ESYT1: variants seen among roughly 807,000 people sequenced by gnomAD.
ESYT1 encodes the protein extended synaptotagmin 1, also known as extended synaptotagmin-1.
Under a neutral mutation model 154.2 loss-of-function variants are expected in ESYT1, and 116 were observed. That is an observed-to-expected ratio of 0.75 (90% CI 0.65 to 0.88). The LOEUF (loss-of-function observed/expected upper bound fraction) is 0.88. Ranked by LOEUF, ESYT1 falls within the 40% of genes least tolerant of loss-of-function variation. The pLI, the probability that ESYT1 is intolerant of heterozygous loss-of-function variation, is 0.00. For synonymous variants in ESYT1, 500 were observed against 539.9 expected (o/e 0.93, Z 1.02); for missense variants, 1,264 against 1,379.3 (o/e 0.92, Z 1.32).
Position 56,143,946 on chromosome 12 carries a change from T to C in ESYT1, c.*84T>C. 4.4e-6 allele frequency: 7 copies of C among 1,607,556 alleles called. No homozygotes were observed. The South Asian group carries it at 5.5e-5, about 13-fold the overall frequency. The stretch of plus-strand genomic sequence containing the variant: ...CGCCTCAATGTGATGAGCCTAAAGC[T>C]AGGGTCCAAGGGCAGAGCCTGTGCC... On this transcript the variant is annotated 3_prime_UTR_variant, in exon 31 of 31. Transcript: ENST00000394048.
rs776875375 is a variant in ESYT1 at position 56,133,772 on chromosome 12, C to T, written c.1381-9C>T. Reference sequence around the variant, plus strand: ...GGACCAAGATCTGACTACTACCACCCCTCCCCAGGTTCTACAGTGGAATTG... The same window carrying T: ...GGACCAAGATCTGACTACTACCACCTCTCCCCAGGTTCTACAGTGGAATTG... On this transcript the variant is annotated splice_polypyrimidine_tract_variant and intron_variant, in intron 12 of 30. Transcript: ENST00000394048. 14 of 1,613,678 alleles carry T rather than the reference C, an allele frequency of 8.7e-6. No homozygotes were observed. Among genetic ancestry groups the T allele is most frequent in the Middle Eastern group, 1.6e-4 (1 of 6,084 alleles).
chr12:56,139,777 G>A (rs189485218), intron 24 of ESYT1, among the ~76,000 whole-genome samples: 26 of 151,536 alleles, frequency 1.7e-4, no homozygotes, highest in African/African-American at 5.8e-4. Context: ...TAGTAGAGAC[G>A]GGGTTTTGCC....
rs1486498993 is a variant in ESYT1, at chr12:56,128,519, C to T, written c.200C>T (p.Pro67Leu). Residue 67 changes from proline (P) to leucine (L), a missense_variant, in exon 1 of 31, where the codon CCT becomes CTT. Transcript: ENST00000394048. ...SFGRRLLVLI[P>L]VYLAGAVGLS... ...GGGAGGCGGTTGCTGGTGCTGATAC[C>T]TGTGTATTTGGCCGGGGCAGTGGGA... is the stretch of plus-strand genomic sequence containing the variant. 1 of 1,612,650 alleles carries T rather than the reference C, an allele frequency of 6.2e-7. No individual in the cohort carries two copies. The highest frequency in any genetic ancestry group is 1.7e-5 in the Admixed American group (1 of 59,742).
chr12:56,128,807 TG>T, intron 1 of ESYT1, 98 bp downstream of exon 1: 1 of 1,457,602 alleles, frequency 6.9e-7, no homozygotes, highest in Non-Finnish European at 9.4e-7. Flanking sequence ...CTCCCTGCCT[TG>T]GGACAGTGGG....
At chr12:56,137,429 C>A in intron 17 of ESYT1, 56 bp downstream of exon 17, 1 of 1,611,610 alleles carries the variant, frequency 6.2e-7, no homozygotes, top group Non-Finnish European at 8.5e-7. Context: ...GTATGCAAAG[C>A]CTGTTTCAGG....
rs1486060888 is a variant in ESYT1 at position 56,132,770 on chromosome 12, A to G, written c.1213A>G (p.Lys405Glu). The G allele has an allele frequency of 9.3e-6, 15 of 1,614,054 alleles. No homozygotes were observed. The highest frequency in any genetic ancestry group is 1.3e-5 in the Non-Finnish European group (15 of 1,180,040). ...GQEIEVEVFD[K>E]DPDKDDFLGR... ...GGAGATTGAAGTGGAGGTGTTCGAC[A>G]AGGATCCAGATAAAGATGACTTTCT... The change falls in exon 10 of 31, where the codon AAG becomes GAG. Residue 405 changes from lysine to glutamate, a missense_variant. Physicochemically the swap from Lys to Glu is moderately conservative, Grantham distance 56. Transcript: ENST00000394048.
At position 56,144,515 on chromosome 12, in the gene ESYT1, T is replaced by G. The variant is rs1455488392; in HGVS notation, c.*653T>G. 1.0e-6 allele frequency: 1 copy of G among 985,718 alleles called. No homozygotes were observed. Among genetic ancestry groups the G allele is most frequent in the Non-Finnish European group, 1.2e-6 (1 of 830,256 alleles). The allele number at this position is 985,718 out of a possible 1,614,324, so 61.1% of individuals were successfully genotyped here. A position where few individuals can be genotyped will look rare whatever the true frequency, so the allele number is the denominator to read the frequency against. Reference sequence around the variant, plus strand: ...CAGTCTTGGAGCTCCTAGCTGGTGATACGGAGAGGGCTTTGGAGGACTTGG... The same window carrying G: ...CAGTCTTGGAGCTCCTAGCTGGTGAGACGGAGAGGGCTTTGGAGGACTTGG... On this transcript the variant is annotated 3_prime_UTR_variant, in exon 31 of 31. Transcript: ENST00000394048.
chr12:56,128,421 A>T lies in ESYT1; in HGVS notation c.102A>T (p.Pro34=), dbSNP rs1272629893. The T allele has an allele frequency of 1.2e-6, 2 of 1,612,602 alleles. No homozygotes were observed. The highest frequency in any genetic ancestry group is 2.7e-5 in the African/African-American group (2 of 74,934). The stretch of plus-strand genomic sequence containing the variant: ...AGCCCCCCGCTGCTCACGCAAAGCC[A>T]GACCCAGGTTCTGGGGGCCAACCTG... ...TDQPPAAHAK[P]DPGSGGQPAG... Residue 34 remains proline, a synonymous_variant, in exon 1 of 31, where the codon CCA becomes CCT. Transcript: ENST00000394048.
At position 56,131,485 on chromosome 12, in the gene ESYT1, C is replaced by T. The variant is rs529521209; in HGVS notation, c.723C>T (p.Gly241=). The part of the protein sequence containing the change: ...KAGVKGMQLH[G]VLRVILEPLI... ...TTCTCTTCTTGCCTCAGCTACATGGCGTTTTGCGGGTGATACTGGAGCCAC... is the reference window on the plus strand; with the variant it reads ...TTCTCTTCTTGCCTCAGCTACATGGTGTTTTGCGGGTGATACTGGAGCCAC... The change falls in exon 6 of 31, where the codon GGC becomes GGT. Residue 241 remains glycine, a synonymous_variant. Transcript: ENST00000394048. 9.0e-5 allele frequency: 146 copies of T among 1,614,082 alleles called. 3 individuals carry two copies. In the South Asian group the frequency reaches 1.4e-3, roughly 15 times the overall value.
chr12:56,132,696 ACT>A (rs766948318), intron 9 of ESYT1, 21 bp from the exon 10 acceptor site: 1 of 1,613,870 alleles, frequency 6.2e-7, no homozygotes, highest in African/African-American at 1.3e-5. Flanking sequence ...CCCATGAGAC[ACT>A]CAGCCTTCTG....
At chr12:56,132,928 G>A (rs1870300166) in intron 10 of ESYT1, 127 bp downstream of exon 10, 1 of 750,248 alleles carries the variant, frequency 1.3e-6, no homozygotes, top group East Asian at 2.8e-5. Context: ...AGACCATCCT[G>A]GCTAACACGG....
chr12:56,138,587 GA>G, intron 22 of ESYT1, 88 bp downstream of exon 22: 2 of 1,382,316 alleles, frequency 1.4e-6, no homozygotes, highest in Non-Finnish European at 2.0e-6. Context: ...TTTAGAATAA[GA>G]AAAATGGCCC....
intron 24 of ESYT1, among the ~76,000 whole-genome samples, chr12:56,140,899 T>G (rs1169318220): frequency 1.3e-5 from 2 of 152,184 alleles, no homozygotes. Context: ...CTGGGGTTTT[T>G]GGCACAGGGT....
intron 30 of ESYT1, 90 bp from the exon 31 acceptor site, chr12:56,143,733 T>A (rs1234264208): frequency 3.7e-6 from 6 of 1,609,982 alleles, no homozygotes; most frequent in Non-Finnish European, 5.1e-6. Context: ...AACCATTGAT[T>A]CTATCAAGTA....
chr12:56,133,286 C>T (rs1870315968), intron 10 of ESYT1, 131 bp from the exon 11 acceptor site: 2 of 940,180 alleles, frequency 2.1e-6, no homozygotes, highest in African/African-American at 3.2e-5. Context: ...TGAATATCTT[C>T]TGAGAGGAAT....
At chr12:56,139,401 C>T (rs1001861365) in intron 24 of ESYT1, among the ~76,000 whole-genome samples, 8 of 150,308 alleles carry the variant, frequency 5.3e-5, no homozygotes, top group African/African-American at 1.5e-4. Flanking sequence ...TGTGAGCCAC[C>T]GCACCCGGCC....
At chr12:56,131,368 A>T (rs1298087120) in intron 5 of ESYT1, 52 bp downstream of exon 5, 1 of 1,611,476 alleles carries the variant, frequency 6.2e-7, no homozygotes, top group African/African-American at 1.3e-5. Context: ...CCTGCGTTTC[A>T]TGGGATATGG....
rs750621587 is a variant in ESYT1, at chr12:56,138,959, TGA to T, written c.2542_2543del (p.Ser848CysfsTer11). The T allele has an allele frequency of 7.4e-5, 120 of 1,614,052 alleles. 1 individual carries two copies. Among genetic ancestry groups the T allele is most frequent in the Non-Finnish European group, 2.1e-5 (25 of 1,180,024 alleles). ...ISQTSAPVWD[E>X]SASFLIRKPH... is the part of the protein sequence containing the mutation. Reference sequence around the variant, plus strand: ...CGCAAACTTCAGCCCCTGTCTGGGATGAGAGTGCCTCCTTTCTCATCAGGAAA... The same window carrying T: ...CGCAAACTTCAGCCCCTGTCTGGGATGAGTGCCTCCTTTCTCATCAGGAAA... On this transcript the variant is annotated frameshift_variant, in exon 24 of 31. Coordinates refer to ENST00000394048, the MANE Select transcript of ESYT1 (RefSeq NM_015292.3). LOFTEE classifies it high-confidence loss of function.
At position 56,128,936 on chromosome 12, in the gene ESYT1, A is replaced by G. The variant is rs1592243339; in HGVS notation, c.390+227A>G. 6 of 576,736 alleles carry G rather than the reference A, an allele frequency of 1.0e-5. 1 individual carries two copies. In the Middle Eastern group the frequency reaches 2.3e-3, roughly 225 times the overall value. The allele number at this position is 576,736 out of a possible 1,614,324, so 35.7% of individuals were successfully genotyped here. On this transcript the variant is annotated intron_variant, in intron 1 of 30. Coordinates refer to ENST00000394048, the MANE Select transcript of ESYT1 (RefSeq NM_015292.3). ...GCATGCCCAGACTGGATCCTTCCACAGAATCAGGACTTCTTCCTCTACTTG... is the reference window on the plus strand; with the variant it reads ...GCATGCCCAGACTGGATCCTTCCACGGAATCAGGACTTCTTCCTCTACTTG...
Sources: gnomAD v4.1 joint callset for allele counts (sites outside exome capture counted in the v4.1 genomes callset) on GRCh38, gnomAD v4.1.1 for gene constraint, MANE v1.5 for transcripts, NCBI Gene and HGNC (gene_info 2026-07-23, HGNC 2026-07-21) for gene names.